The following RGS5 variants were observed in gnomAD, a reference collection of about 807,000 sequenced individuals.
RGS5 encodes the protein regulator of G-protein signalling 5.
Under a neutral mutation model 18.9 loss-of-function variants are expected in RGS5, and 20 were observed. That is an observed-to-expected ratio of 1.06 (90% CI 0.74 to 1.54). RGS5 has a LOEUF of 1.54. Ranked by LOEUF, RGS5 falls within the 40% of genes most tolerant of loss-of-function variation. RGS5 has a pLI of 0.00. For synonymous variants in RGS5, 57 were observed against 76.2 expected (o/e 0.75, Z 1.31); for missense variants, 201 against 211.8 (o/e 0.95, Z 0.32).
At chr1:163,251,568 C>G (rs1325985227) in intron 2 of RGS5, among the ~76,000 whole-genome samples, 1 of 152,086 alleles carries the variant, frequency 6.6e-6, no homozygotes, top group Non-Finnish European at 1.5e-5. Context: ...CTTCACTTAT[C>G]CCAAAGTGAT....
At chr1:163,260,079 A>G (rs934957732) in intron 2 of RGS5, 1 of 152,218 alleles carries the variant, frequency 6.6e-6, no homozygotes, top group African/African-American at 2.4e-5. Context: ...TTCCATTTCC[A>G]GTGTTGTATG....
chr1:163,313,771 G>T (rs751638919), intron 1 of RGS5, among the ~76,000 whole-genome samples: 2 of 152,168 alleles, frequency 1.3e-5, no homozygotes, highest in African/African-American at 4.8e-5. Flanking sequence ...TTTCTAGAAG[G>T]ATTCAGGGAT....
At chr1:163,230,963 T>C (rs570689368) in intron 2 of RGS5, among the ~76,000 whole-genome samples, 3 of 152,300 alleles carry the variant, frequency 2.0e-5, no homozygotes, top group East Asian at 3.9e-4. Flanking sequence ...TTATTGATTA[T>C]AAGATGGCAA....
intron 1 of RGS5, among the ~76,000 whole-genome samples, chr1:163,310,612 T>C (rs1649830277): frequency 6.6e-6 from 1 of 151,596 alleles, no homozygotes; most frequent in Non-Finnish European, 1.5e-5. Flanking sequence ...GATGACATCT[T>C]CTTTCAAAAG....
chr1:163,204,075 T>C (rs1196978973), upstream of RGS5, among the ~76,000 whole-genome samples: 2 of 152,176 alleles, frequency 1.3e-5, no homozygotes, highest in Admixed American at 1.3e-4. Flanking sequence ...TTTTAGGCAA[T>C]GGTTGATCAA....
At chr1:163,290,822 CTAAAG>C (rs1223828828) in intron 2 of RGS5, among the ~76,000 whole-genome samples, 4 of 151,960 alleles carry the variant, frequency 2.6e-5, no homozygotes, top group African/African-American at 7.3e-5. Flanking sequence ...ATCAACCAGT[CTAAAG>C]TATTTTATTT....
chr1:163,260,942 A>G (rs1648417118), intron 2 of RGS5, among the ~76,000 whole-genome samples: 1 of 152,206 alleles, frequency 6.6e-6, no homozygotes, highest in African/African-American at 2.4e-5. Flanking sequence ...GCTGACAGGA[A>G]TGAAAGAATG....
At chr1:163,293,870 C>A (rs1036742925) in intron 2 of RGS5, among the ~76,000 whole-genome samples, 2 of 152,196 alleles carry the variant, frequency 1.3e-5, no homozygotes, top group African/African-American at 4.8e-5. Context: ...GTTTATAAGT[C>A]TGAAACCTGG....
intron 1 of RGS5, among the ~76,000 whole-genome samples, chr1:163,210,506 G>A (rs1660079672): frequency 6.6e-6 from 1 of 152,130 alleles, no homozygotes; most frequent in South Asian, 2.1e-4. Context: ...TTAGGAGGCA[G>A]TAGAATATAG....
chr1:163,236,788 C>A (rs1647633032), intron 2 of RGS5, among the ~76,000 whole-genome samples: 1 of 152,002 alleles, frequency 6.6e-6, no homozygotes, highest in Non-Finnish European at 1.5e-5. Flanking sequence ...TGGTGAAAAC[C>A]CATCTCTACT....
intron 1 of RGS5, among the ~76,000 whole-genome samples, chr1:163,317,023 CT>C (rs887357451): frequency 6.6e-6 from 1 of 151,640 alleles, no homozygotes; most frequent in African/African-American, 2.4e-5. Flanking sequence ...ATAACATAAA[CT>C]TTTTTTTTGT....
intron 1 of RGS5, among the ~76,000 whole-genome samples, chr1:163,188,952 A>C (rs1659217341): frequency 9.5e-5 from 1 of 10,538 alleles, no homozygotes; most frequent in Admixed American, 1.3e-3. Context: ...ACCCCATCTC[A>C]AAAAAAAAAA....
At chr1:163,218,331 T>C (rs61810853), upstream of RGS5, among the ~76,000 whole-genome samples, 18,600 of 152,248 alleles carry the variant, frequency 0.12, 1,370 homozygotes, top group South Asian at 0.19. Context: ...TATTTGTAAT[T>C]TGTCACCAAT....
At chr1:163,276,474 C>T (rs904783287) in intron 2 of RGS5, among the ~76,000 whole-genome samples, 3 of 152,106 alleles carry the variant, frequency 2.0e-5, no homozygotes, top group African/African-American at 4.8e-5. Context: ...TGCTTACGTT[C>T]GTATATCTAA....
chr1:163,315,174 T>C (rs1366665672), intron 1 of RGS5, among the ~76,000 whole-genome samples: 1 of 152,178 alleles, frequency 6.6e-6, no homozygotes, highest in Non-Finnish European at 1.5e-5. Flanking sequence ...GATCAGTATT[T>C]TTCCTGAGAA....
upstream of RGS5, among the ~76,000 whole-genome samples, chr1:163,204,310 C>CAG (rs1659885960): frequency 2.9e-5 from 1 of 34,662 alleles, no homozygotes; most frequent in African/African-American, 1.3e-4. Context: ...GGCTCTAAAC[C>CAG]ACACACACAC....
chr1:163,303,400 A>G lies in RGS5; in HGVS notation c.-281+2833T>C, dbSNP rs538302826. Among the ~76,000 whole-genome samples the G allele has an allele frequency of 2.0e-5, 3 of 152,372 alleles. No homozygotes were observed. In the South Asian group the frequency reaches 6.2e-4, roughly 32 times the overall value. ...TTGAAAAGAATCATAGTGGTAATTT[A>G]GTCCAATCTTCTAGCTTGTGGATTA... On this transcript the variant is annotated intron_variant, in intron 2 of 5. Transcript: ENST00000618415.
chr1:163,269,526 T>G (rs1412592674), intron 2 of RGS5, among the ~76,000 whole-genome samples: 1 of 152,172 alleles, frequency 6.6e-6, no homozygotes, highest in Non-Finnish European at 1.5e-5. Flanking sequence ...ACTCTAGGGT[T>G]GGTTATGGGG....
At chr1:163,279,978 G>C (rs866968582) in intron 2 of RGS5, among the ~76,000 whole-genome samples, 8 of 152,048 alleles carry the variant, frequency 5.3e-5, no homozygotes, top group South Asian at 2.1e-4. Context: ...ATTCTGAACA[G>C]AACAATAATG....
Sources: allele counts gnomAD v4.1 joint callset (sites outside exome capture counted in the v4.1 genomes callset), GRCh38; gene constraint gnomAD v4.1.1; transcripts MANE v1.5; gene names NCBI Gene and HGNC (gene_info 2026-07-23, HGNC 2026-07-21).